The following ABCC2 variants were observed in gnomAD, a reference collection of about 807,000 sequenced individuals.
ABCC2 encodes the protein ATP-binding cassette sub-family C member 2.
A neutral mutation model predicts 173.4 loss-of-function variants in ABCC2; 157 were observed. The observed-to-expected ratio is 0.91, with a 90% CI of 0.80 to 1.03. The LOEUF (loss-of-function observed/expected upper bound fraction) is 1.03, where lower values mean the gene tolerates loss of function less well. Ranked by LOEUF, ABCC2 falls within the 50% of genes least tolerant of loss-of-function variation. ABCC2 has a pLI of 0.00. For synonymous variants in ABCC2, 657 were observed against 693.5 expected (o/e 0.95, Z 0.83); for missense variants, 1,822 against 1,852.3 (o/e 0.98, Z 0.30).
chr10:99,811,531 A>C lies in ABCC2; in HGVS notation c.1901-5A>C, dbSNP rs762980288. 1.2e-5 allele frequency: 19 copies of C among 1,613,988 alleles called. No individual in the cohort carries two copies. The South Asian group carries it at 2.0e-4, about 17-fold the overall frequency. On this transcript the variant is annotated splice_polypyrimidine_tract_variant and splice_region_variant and intron_variant, in intron 14 of 31. Transcript: ENST00000647814. ...TTGGACTAAAAGAGGGCTTTTTCTC[A>C]ACAGACAAAGCCATGCAGTTTTCTG... is the stretch of plus-strand genomic sequence containing the variant.
chr10:99,815,418 A>T (rs1005990161), intron 16 of ABCC2, among the ~76,000 whole-genome samples: 3 of 151,618 alleles, frequency 2.0e-5, no homozygotes, highest in African/African-American at 7.3e-5. Flanking sequence ...CTGGTCTCAA[A>T]CTCCTGGCCT....
At chr10:99,789,999 A>G (rs2037786454) in intron 2 of ABCC2, among the ~76,000 whole-genome samples, 1 of 152,184 alleles carries the variant, frequency 6.6e-6, no homozygotes, top group Non-Finnish European at 1.5e-5. Context: ...ACCATAATTT[A>G]TGTGTCCTGT....
At chr10:99,841,011 C>T (rs1054056975) in intron 25 of ABCC2, among the ~76,000 whole-genome samples, 2 of 152,162 alleles carry the variant, frequency 1.3e-5, no homozygotes, top group Admixed American at 6.5e-5. Flanking sequence ...AAAGTCCATT[C>T]TTATAAACTG....
chr10:99,845,864 C>T (rs1349179820), intron 29 of ABCC2, 82 bp downstream of exon 29: 28 of 1,446,564 alleles, frequency 1.9e-5, no homozygotes, highest in Non-Finnish European at 2.3e-5. Context: ...TTCTTGATGT[C>T]TGTTCAGTCA....
At chr10:99,849,221 A>G (rs2039057493) in intron 30 of ABCC2, among the ~76,000 whole-genome samples, 1 of 152,122 alleles carries the variant, frequency 6.6e-6, no homozygotes, top group South Asian at 2.1e-4. Flanking sequence ...CAAGAGCGAA[A>G]CTCCGTCTCG....
chr10:99,823,253 A>G (rs1412932130), intron 19 of ABCC2, among the ~76,000 whole-genome samples: 1 of 152,020 alleles, frequency 6.6e-6, no homozygotes, highest in Non-Finnish European at 1.5e-5. Flanking sequence ...CTGCATTTAC[A>G]TGAGTCAAAG....
chr10:99,794,840 C>T (rs1045976103), intron 6 of ABCC2, among the ~76,000 whole-genome samples: 5 of 151,972 alleles, frequency 3.3e-5, no homozygotes, highest in South Asian at 2.1e-4. Flanking sequence ...AGCGCTCAGC[C>T]GAAAGATTAA....
chr10:99,798,532 G>A (rs189317039), intron 7 of ABCC2, among the ~76,000 whole-genome samples: 32 of 152,236 alleles, frequency 2.1e-4, no homozygotes, highest in African/African-American at 7.2e-4. Context: ...ACTCGCTCCC[G>A]CTGAAACCTG....
intron 2 of ABCC2, among the ~76,000 whole-genome samples, chr10:99,790,912 GT>G (rs2037801312): frequency 6.6e-6 from 1 of 152,114 alleles, no homozygotes; most frequent in Non-Finnish European, 1.5e-5. Flanking sequence ...ATGAATAAGG[GT>G]AGATGGATAG....
intron 22 of ABCC2, 28 bp from the exon 23 acceptor site, chr10:99,831,949 G>A (rs763380684): frequency 1.2e-6 from 2 of 1,614,200 alleles, no homozygotes; most frequent in South Asian, 1.1e-5. Flanking sequence ...CCTGTGCATG[G>A]TGCTGACAAA....
chr10:99,840,891 G>A (rs2038932393), intron 25 of ABCC2, among the ~76,000 whole-genome samples: 2 of 151,918 alleles, frequency 1.3e-5, no homozygotes, highest in South Asian at 4.2e-4. Flanking sequence ...CCTAGTTCCA[G>A]AAGCTTTCCT....
In ABCC2 at chr10:99,847,112, C is replaced by G. The variant is rs1207384397; in HGVS notation, c.4298C>G (p.Ala1433Gly). The G allele has an allele frequency of 6.2e-7, 1 of 1,614,018 alleles. No individual in the cohort carries two copies. Among genetic ancestry groups the G allele is most frequent in the African/African-American group, 1.3e-5 (1 of 74,940 alleles). The change falls in exon 30 of 32, where the codon GCT (alanine) becomes GGT (glycine). Residue 1433 changes from alanine to glycine, a missense_variant. By Grantham distance (60) the Ala-to-Gly change is moderately conservative. Coordinates refer to ENST00000647814, the MANE Select transcript of ABCC2 (RefSeq NM_000392.5). ...QLGLSHEVTEAGGNLSIGQRQ... is the reference protein window; with the variant it reads ...QLGLSHEVTEGGGNLSIGQRQ... ...GGGTTATCCCACGAAGTGACAGAGGCTGGTGGCAACCTGAGGTAATGTTCC... is the reference window on the plus strand; with the variant it reads ...GGGTTATCCCACGAAGTGACAGAGGGTGGTGGCAACCTGAGGTAATGTTCC...
At chr10:99,821,180 T>C (rs141243533) in intron 19 of ABCC2, among the ~76,000 whole-genome samples, 1,538 of 152,370 alleles carry the variant, frequency 0.01, 26 homozygotes, top group Middle Eastern at 0.041. Flanking sequence ...ATCTCAATGC[T>C]TTACAAAGCA....
At chr10:99,839,067 C>T (rs1590188288) in intron 25 of ABCC2, among the ~76,000 whole-genome samples, 9 of 136,620 alleles carry the variant, frequency 6.6e-5, no homozygotes, top group Admixed American at 5.7e-4. Context: ...CCGGACGGGG[C>T]GGCTGGCCGG....
intron 20 of ABCC2, 57 bp downstream of exon 20, chr10:99,830,490 T>C: frequency 6.2e-7 from 1 of 1,612,974 alleles, no homozygotes; most frequent in Non-Finnish European, 8.5e-7. Context: ...ACTTGATCTT[T>C]TTCTTTTTCT....
intron 10 of ABCC2, 39 bp from the exon 11 acceptor site, chr10:99,805,343 G>A: frequency 6.3e-7 from 1 of 1,582,474 alleles, no homozygotes; most frequent in Non-Finnish European, 8.7e-7. Context: ...CTCTCTCATG[G>A]AAGCGTATAT....
At chr10:99,814,083 GTATATACACATA>G (rs1406740096) in intron 16 of ABCC2, among the ~76,000 whole-genome samples, 8 of 129,900 alleles carry the variant, frequency 6.2e-5, no homozygotes, top group South Asian at 4.9e-4. Flanking sequence ...ATGTGTATGT[GTATATACACATA>G]TATATACACA....
At chr10:99,845,908 T>C in intron 29 of ABCC2, 126 bp downstream of exon 29, 1 of 1,084,076 alleles carries the variant, frequency 9.2e-7, no homozygotes, top group Non-Finnish European at 1.4e-6. Flanking sequence ...TCGGGATACT[T>C]GAGCTAGTTC....
At position 99,807,663 on chromosome 10, in the gene ABCC2, CA is replaced by C. The variant is rs1255905842; in HGVS notation, c.1668+143del. ...AGGGGACTTGTCCCTCTCACCGCCC[CA>C]TGCCACTTTTCCTCCTTTGTACCAT... On this transcript the variant is annotated intron_variant, in intron 12 of 31. Transcript: ENST00000647814. The C allele has an allele frequency of 4.1e-6, 5 of 1,219,614 alleles. No individual in the cohort carries two copies. The Admixed American group carries it at 9.5e-5, about 23-fold the overall frequency. The allele number at this position is 1,219,614 out of a possible 1,614,324, so 75.5% of individuals were successfully genotyped here. A position where few individuals can be genotyped will look rare whatever the true frequency, so the allele number is the denominator to read the frequency against.
Sources: gnomAD v4.1 joint callset for allele counts (sites outside exome capture counted in the v4.1 genomes callset) on GRCh38, gnomAD v4.1.1 for gene constraint, MANE v1.5 for transcripts, NCBI Gene and HGNC (gene_info 2026-07-23, HGNC 2026-07-21) for gene names.